The following STRN variants were observed in gnomAD, a reference collection of about 807,000 sequenced individuals.
STRN encodes protein phosphatase 2 regulatory subunit B'''alpha.
In STRN, 53 loss-of-function variants were observed where a neutral mutation model predicts 96.3. The observed-to-expected ratio is 0.55, with a 90% confidence interval of 0.44 to 0.69. The LOEUF (loss-of-function observed/expected upper bound fraction) is 0.69, where lower values mean the gene tolerates loss of function less well. Ranked by LOEUF, STRN falls within the 30% of genes least tolerant of loss-of-function variation. STRN has a pLI of 0.00. For synonymous variants in STRN, 428 were observed against 355.9 expected, an observed-to-expected ratio of 1.20 and a Z score of -2.28; for missense variants, 987 against 963.9, an observed-to-expected ratio of 1.02 and a Z score of -0.32.
At chr2:36,895,107 C>A (rs949082878) in intron 6 of STRN, among the ~76,000 whole-genome samples, 3 of 151,996 alleles carry the variant, frequency 2.0e-5, no homozygotes, top group African/African-American at 7.3e-5. Context: ...GTGGGTGGAT[C>A]AAGAGGTCAG....
intron 6 of STRN, among the ~76,000 whole-genome samples, chr2:36,897,569 G>T (rs1669577024): frequency 2.0e-5 from 3 of 151,464 alleles, no homozygotes; most frequent in Non-Finnish European, 4.4e-5. Context: ...CCGAGTAGCT[G>T]GGACTACAGG....
chr2:36,947,570 T>A lies in STRN; in HGVS notation c.234+18660A>T, dbSNP rs4670639. On this transcript the variant is annotated intron_variant, in intron 1 of 17. Coordinates refer to ENST00000263918, the MANE Select transcript of STRN (RefSeq NM_003162.4). ...ACATATATATTATTTACATATATATTATATATATATATATATAAAATCACT... is the reference window on the plus strand; with the variant it reads ...ACATATATATTATTTACATATATATAATATATATATATATATAAAATCACT... Among the ~76,000 whole-genome samples, 1,555 of 140,234 alleles carry A rather than the reference T, an allele frequency of 0.011. 56 individuals are homozygous for A. In the East Asian group the frequency reaches 0.13, roughly 12 times the overall value. The allele number at this position is 140,234 out of a possible 152,430, so 92.0% of individuals were successfully genotyped here.
At chr2:36,885,283 T>C (rs555336969) in intron 8 of STRN, among the ~76,000 whole-genome samples, 2 of 152,172 alleles carry the variant, frequency 1.3e-5, no homozygotes, top group African/African-American at 4.8e-5. Flanking sequence ...CTTTTGTATT[T>C]CAAGACATTC....
At position 36,902,719 on chromosome 2, in the gene STRN, A is replaced by C. The variant is rs758548274; in HGVS notation, c.524T>G (p.Ile175Ser). 4 of 1,610,886 alleles carry C rather than the reference A, an allele frequency of 2.5e-6. No individual in the cohort carries two copies. The South Asian group carries it at 3.3e-5, about 13-fold the overall frequency. Residue 175 changes from isoleucine (I) to serine (S), a missense_variant, in exon 5 of 18, where the codon ATT becomes AGT. Coordinates refer to ENST00000263918, the MANE Select transcript of STRN (RefSeq NM_003162.4). ...YLQEVGYTDT[I>S]LDVKSKRVRA... ...CACTCGTTTAGATTTCACATCTAGAATAGTATCTGTATAACCCACCTCCTG... is the reference window on the plus strand; with the variant it reads ...CACTCGTTTAGATTTCACATCTAGACTAGTATCTGTATAACCCACCTCCTG...
chr2:36,838,531 ATTTT>A lies in STRN; in HGVS notation c.*10921_*10924del, dbSNP rs1170637087. ...CTGAAAAATCACTACATCCACCAGG[ATTTT>A]TTTCTTTTTTCTACGTATTTTTTAA... On this transcript the variant is annotated 3_prime_UTR_variant, in exon 18 of 18. Coordinates refer to ENST00000263918, the MANE Select transcript of STRN (RefSeq NM_003162.4). Among the ~76,000 whole-genome samples, 1 of 152,026 alleles carries A rather than the reference ATTTT, an allele frequency of 6.6e-6. No individual in the cohort carries two copies. Among genetic ancestry groups the A allele is most frequent in the South Asian group, 2.1e-4 (1 of 4,824 alleles).
intron 7 of STRN, among the ~76,000 whole-genome samples, chr2:36,889,950 C>T (rs1669344596): frequency 6.6e-6 from 1 of 152,154 alleles, no homozygotes; most frequent in Admixed American, 6.5e-5. Flanking sequence ...TCATATAATA[C>T]ACTGAGCTAT....
At chr2:36,932,303 C>T (rs559146271) in intron 1 of STRN, among the ~76,000 whole-genome samples, 6 of 152,040 alleles carry the variant, frequency 3.9e-5, no homozygotes, top group East Asian at 1.9e-4. Flanking sequence ...TACAGGCACC[C>T]GCCACTGCGT....
chr2:36,863,044 T>C (rs916159785), intron 12 of STRN, among the ~76,000 whole-genome samples: 1 of 152,200 alleles, frequency 6.6e-6, no homozygotes, highest in African/African-American at 2.4e-5. Context: ...TGTTAATTTG[T>C]TTAGGTTCCT....
chr2:36,902,197 A>C (rs928751442), intron 5 of STRN, among the ~76,000 whole-genome samples: 3 of 152,174 alleles, frequency 2.0e-5, no homozygotes, highest in African/African-American at 7.2e-5. Flanking sequence ...AGATAAACAA[A>C]AGTGGTTAAA....
At chr2:36,924,352 T>C (rs1572678505) in intron 2 of STRN, among the ~76,000 whole-genome samples, 1 of 116,990 alleles carries the variant, frequency 8.5e-6, no homozygotes, top group East Asian at 2.7e-4. Context: ...TGAGACTCCG[T>C]TTCAAAAAAA....
intron 1 of STRN, among the ~76,000 whole-genome samples, chr2:36,927,458 G>T (rs1670440345): frequency 7.0e-6 from 1 of 142,252 alleles, no homozygotes; most frequent in Non-Finnish European, 1.5e-5. Flanking sequence ...GCAGTGAGCA[G>T]TGATCACACC....
rs190029715 is a variant in STRN at position 36,935,342 on chromosome 2, A to G, written c.235-10134T>C. Among the ~76,000 whole-genome samples, 65 of 152,360 alleles carry G rather than the reference A, an allele frequency of 4.3e-4. 2 individuals are homozygous for G. In the East Asian group the frequency reaches 0.011, roughly 25 times the overall value. ...AAAACAAAAAAACCTCTGTATGTAC[A>G]TATTATTTTAACACTTTATGAGACT... On this transcript the variant is annotated intron_variant, in intron 1 of 17. Coordinates refer to ENST00000263918, the MANE Select transcript of STRN (RefSeq NM_003162.4).
chr2:36,863,811 T>C (rs1668554598), intron 12 of STRN, among the ~76,000 whole-genome samples: 2 of 152,358 alleles, frequency 1.3e-5, no homozygotes, highest in African/African-American at 2.4e-5. Context: ...TTCCATTTCT[T>C]TGTGTCATCT....
At chr2:36,920,858 C>A (rs1189659838) in intron 2 of STRN, among the ~76,000 whole-genome samples, 1 of 151,884 alleles carries the variant, frequency 6.6e-6, no homozygotes, top group Non-Finnish European at 1.5e-5. Context: ...GGGCGGATCA[C>A]AAGGTCAAGG....
intron 13 of STRN, 29 bp downstream of exon 13, chr2:36,861,103 T>A: frequency 6.2e-7 from 1 of 1,604,512 alleles, no homozygotes; most frequent in South Asian, 1.1e-5. Context: ...ACCAATTTTA[T>A]TCCTTCAGAT....
intron 1 of STRN, among the ~76,000 whole-genome samples, chr2:36,964,061 A>C (rs1665094027): frequency 6.6e-6 from 1 of 151,954 alleles, no homozygotes; most frequent in African/African-American, 2.4e-5. Context: ...TGAAGTTAAT[A>C]AACATTTGCC....
In STRN at chr2:36,849,622, T is replaced by C; in HGVS notation, c.2177A>G (p.His726Arg). The C allele has an allele frequency of 1.2e-6, 2 of 1,613,816 alleles. No individual in the cohort carries two copies. Among genetic ancestry groups the C allele is most frequent in the East Asian group, 4.5e-5 (2 of 44,872 alleles). The stretch of plus-strand genomic sequence containing the variant: ...ATTCCATAAACGTATTGAACAGTCA[T>C]GACCTATATCCAAAAAAAAAATTAA... ...PNGLYLMSGS[H>R]DCSIRLWNLE... is the part of the protein sequence containing the mutation. Residue 726 changes from histidine (H) to arginine (R), a missense_variant, in exon 18 of 18, where the codon CAT (histidine) becomes CGT (arginine). His to Arg is a conservative substitution (Grantham distance 29). Transcript: ENST00000263918.
At chr2:36,909,372 C>T (rs987053392) in intron 3 of STRN, among the ~76,000 whole-genome samples, 1 of 151,818 alleles carries the variant, frequency 6.6e-6, no homozygotes, top group East Asian at 1.9e-4. Flanking sequence ...TCGGTAATAT[C>T]GAAAGTATTT....
intron 1 of STRN, 50 bp downstream of exon 1, chr2:36,966,179 GA>G: frequency 6.9e-7 from 1 of 1,457,414 alleles, no homozygotes; most frequent in Non-Finnish European, 9.1e-7. Context: ...GGGCGGGGCG[GA>G]AGGGAGCAAA....
Sources: allele counts gnomAD v4.1 joint callset (sites outside exome capture counted in the v4.1 genomes callset), GRCh38; gene constraint gnomAD v4.1.1; transcripts MANE v1.5; gene names NCBI Gene and HGNC (gene_info 2026-07-23, HGNC 2026-07-21).